PARD3: variants seen among roughly 807,000 people sequenced by gnomAD.
PARD3 encodes par-3 family cell polarity regulator, also known as partitioning defective 3 homolog.
PARD3 carries 75 observed loss-of-function variants against 155.4 expected under a neutral mutation model. The ratio of observed to expected loss-of-function variants is 0.48; its 90% CI spans 0.40 to 0.58. PARD3 has a LOEUF of 0.58. PARD3 is among the 20% of genes least tolerant of loss of function. The pLI is 0.00. For synonymous variants in PARD3, 576 were observed against 610.5 expected, an observed-to-expected ratio of 0.94 and a Z score of 0.83; for missense variants, 1,642 against 1,721.7, an observed-to-expected ratio of 0.95 and a Z score of 0.82.
At chr10:34,310,161 T>G (rs1195231330) in intron 20 of PARD3, among the ~76,000 whole-genome samples, 1 of 152,228 alleles carries the variant, frequency 6.6e-6, no homozygotes, top group African/African-American at 2.4e-5. Flanking sequence ...GTACTTGATC[T>G]ATTATATTTA....
chr10:34,476,171 C>T (rs1372987488), intron 3 of PARD3, among the ~76,000 whole-genome samples: 4 of 152,006 alleles, frequency 2.6e-5, no homozygotes, highest in African/African-American at 9.7e-5. Context: ...ACTGAGCTTC[C>T]ATATGTTGGA....
At chr10:34,478,770 C>T (rs1299475102) in intron 3 of PARD3, among the ~76,000 whole-genome samples, 1 of 152,100 alleles carries the variant, frequency 6.6e-6, no homozygotes, top group Non-Finnish European at 1.5e-5. Context: ...CTCAAACTCC[C>T]GACCTCAGGT....
chr10:34,708,608 C>T (rs556202820), intron 1 of PARD3, among the ~76,000 whole-genome samples: 17 of 152,092 alleles, frequency 1.1e-4, no homozygotes, highest in Middle Eastern at 3.4e-3. Context: ...AGAAAAACAA[C>T]GTAGCAAATG....
At chr10:34,656,554 A>G (rs1228714121) in intron 2 of PARD3, among the ~76,000 whole-genome samples, 1 of 152,232 alleles carries the variant, frequency 6.6e-6, no homozygotes. Context: ...TCATCATTCA[A>G]TACAAAAGAA....
chr10:34,594,197 G>C (rs2089004322), intron 2 of PARD3, among the ~76,000 whole-genome samples: 1 of 152,158 alleles, frequency 6.6e-6, no homozygotes, highest in Non-Finnish European at 1.5e-5. Flanking sequence ...TGTTTTGTTA[G>C]TAAGACTTTC....
At chr10:34,768,082 TAACTA>T (rs1285678681) in intron 1 of PARD3, among the ~76,000 whole-genome samples, 5 of 152,210 alleles carry the variant, frequency 3.3e-5, no homozygotes, top group African/African-American at 1.2e-4. Context: ...AGTCCTCACT[TAACTA>T]GACTTCAGTG....
intron 2 of PARD3, among the ~76,000 whole-genome samples, chr10:34,693,951 CTG>C (rs756480243): frequency 3.7e-4 from 56 of 152,226 alleles, no homozygotes; most frequent in Admixed American, 9.8e-4. Flanking sequence ...AAGAAAAAGA[CTG>C]TGTTTCTATC....
intron 2 of PARD3, among the ~76,000 whole-genome samples, chr10:34,569,417 A>C (rs1051454554): frequency 6.6e-6 from 1 of 151,912 alleles, no homozygotes; most frequent in African/African-American, 2.4e-5. Context: ...ACACGTGACT[A>C]TATATATATA....
At chr10:34,740,570 G>A (rs1467734771) in intron 1 of PARD3, among the ~76,000 whole-genome samples, 1 of 151,326 alleles carries the variant, frequency 6.6e-6, no homozygotes, top group Non-Finnish European at 1.5e-5. Flanking sequence ...TCTGACTCCC[G>A]CCCCCATCTC....
chr10:34,592,127 T>C (rs1279434112), intron 2 of PARD3, among the ~76,000 whole-genome samples: 1 of 152,190 alleles, frequency 6.6e-6, no homozygotes, highest in Non-Finnish European at 1.5e-5. Flanking sequence ...ACTTTAATTA[T>C]TTATCCTTAA....
chr10:34,689,308 C>G (rs1427153263), intron 2 of PARD3, among the ~76,000 whole-genome samples: 1 of 152,174 alleles, frequency 6.6e-6, no homozygotes, highest in Non-Finnish European at 1.5e-5. Context: ...ATCCCTCAGT[C>G]TGAATAATGC....
At chr10:34,376,319 AT>A (rs1841233406) in intron 10 of PARD3, among the ~76,000 whole-genome samples, 1 of 152,230 alleles carries the variant, frequency 6.6e-6, no homozygotes, top group Non-Finnish European at 1.5e-5. Context: ...TTTTTCTGAT[AT>A]GTTGAAAGTA....
At chr10:34,410,735 G>A (rs1359273659) in intron 5 of PARD3, among the ~76,000 whole-genome samples, 1 of 152,194 alleles carries the variant, frequency 6.6e-6, no homozygotes, top group African/African-American at 2.4e-5. Flanking sequence ...CAGAGGCACT[G>A]ATTGCTTCTG....
chr10:34,509,260 C>A (rs1174026321), intron 3 of PARD3, among the ~76,000 whole-genome samples: 1 of 152,116 alleles, frequency 6.6e-6, no homozygotes, highest in African/African-American at 2.4e-5. Flanking sequence ...CAAAGACCTT[C>A]CGAGAGATAC....
chr10:34,418,734 G>A (rs1021054141), intron 5 of PARD3, among the ~76,000 whole-genome samples: 20 of 152,036 alleles, frequency 1.3e-4, no homozygotes, highest in African/African-American at 4.8e-4. Context: ...TTTTCAGAGG[G>A]CAAGTAACTC....
At chr10:34,679,276 A>G (rs566762924) in intron 2 of PARD3, among the ~76,000 whole-genome samples, 1 of 152,272 alleles carries the variant, frequency 6.6e-6, no homozygotes, top group African/African-American at 2.4e-5. Context: ...GAAACCAGCT[A>G]CGCCTCAACT....
At chr10:34,756,470 T>A (rs868766548) in intron 1 of PARD3, among the ~76,000 whole-genome samples, 1 of 134,322 alleles carries the variant, frequency 7.4e-6, no homozygotes, top group Non-Finnish European at 1.6e-5. Flanking sequence ...CTTTTTTTTT[T>A]TTCTTATAAA....
At chr10:34,644,613 A>G (rs962671405) in intron 2 of PARD3, among the ~76,000 whole-genome samples, 1 of 152,186 alleles carries the variant, frequency 6.6e-6, no homozygotes, top group African/African-American at 2.4e-5. Flanking sequence ...TAAGGACAAA[A>G]GATGTACCTT....
intron 21 of PARD3, among the ~76,000 whole-genome samples, chr10:34,277,858 G>A (rs962314903): frequency 3.3e-5 from 5 of 152,130 alleles, no homozygotes; most frequent in Admixed American, 2.6e-4. Flanking sequence ...AAGCCTTTGT[G>A]CTTAGGGGGA....
Sources: gnomAD v4.1 joint callset for allele counts (sites outside exome capture counted in the v4.1 genomes callset) on GRCh38, gnomAD v4.1.1 for gene constraint, MANE v1.5 for transcripts, NCBI Gene and HGNC (gene_info 2026-07-23, HGNC 2026-07-21) for gene names.